The following CSGALNACT1 variants were observed in gnomAD, a reference collection of about 807,000 sequenced individuals.
The protein encoded by CSGALNACT1 is beta4GalNAcT-1.
CSGALNACT1 carries 52 observed loss-of-function variants against 51.0 expected under a neutral mutation model. The ratio of observed to expected loss-of-function variants is 1.02; its 90% CI spans 0.82 to 1.29. The LOEUF (loss-of-function observed/expected upper bound fraction) is 1.29. Among genes scored for constraint, CSGALNACT1 ranks in the 50% most tolerant of loss-of-function variants. The pLI, the probability that CSGALNACT1 is intolerant of heterozygous loss-of-function variation, is 0.00. For synonymous variants in CSGALNACT1, 341 were observed against 254.4 expected (o/e 1.34, Z -3.24); for missense variants, 935 against 679.2 (o/e 1.38, Z -4.19).
At chr8:19,664,722 AAAT>A (rs1266085606) in intron 1 of CSGALNACT1, among the ~76,000 whole-genome samples, 8 of 152,298 alleles carry the variant, frequency 5.3e-5, no homozygotes, top group South Asian at 2.1e-4. Flanking sequence ...AAAAAGAATG[AAAT>A]AATGTCTTTT....
intron 4 of CSGALNACT1, among the ~76,000 whole-genome samples, chr8:19,479,101 T>G (rs1487520448): frequency 6.6e-6 from 1 of 152,222 alleles, no homozygotes; most frequent in Non-Finnish European, 1.5e-5. Context: ...CATGCATTGT[T>G]ATGATGCGAT....
intron 1 of CSGALNACT1, among the ~76,000 whole-genome samples, chr8:19,668,416 A>AT (rs1223376793): frequency 6.6e-6 from 1 of 152,214 alleles, no homozygotes; most frequent in African/African-American, 2.4e-5. Flanking sequence ...TAATTTTAGA[A>AT]TTTAAAAACT....
intron 3 of CSGALNACT1, among the ~76,000 whole-genome samples, chr8:19,541,851 T>C (rs548284928): frequency 2.0e-5 from 3 of 152,246 alleles, no homozygotes; most frequent in South Asian, 2.1e-4. Context: ...CTGTGTGCAA[T>C]AGAAGAATGA....
chr8:19,512,791 T>C (rs1229330362), intron 3 of CSGALNACT1, among the ~76,000 whole-genome samples: 1 of 152,100 alleles, frequency 6.6e-6, no homozygotes, highest in Non-Finnish European at 1.5e-5. Flanking sequence ...TGAACAATGG[T>C]CATTAATCCA....
At chr8:19,487,302 A>G (rs1587009455) in intron 4 of CSGALNACT1, among the ~76,000 whole-genome samples, 1 of 152,158 alleles carries the variant, frequency 6.6e-6, no homozygotes, top group Admixed American at 6.5e-5. Flanking sequence ...ACCTCCCAAC[A>G]GCAGCGATGG....
At chr8:19,456,633 G>A (rs777139286) in intron 5 of CSGALNACT1, among the ~76,000 whole-genome samples, 2 of 152,184 alleles carry the variant, frequency 1.3e-5, no homozygotes, top group African/African-American at 4.8e-5. Flanking sequence ...GTTGAAAGAA[G>A]CCAAAACTAT....
chr8:19,684,288 A>G (rs779993339), upstream of CSGALNACT1, among the ~76,000 whole-genome samples: 2 of 152,190 alleles, frequency 1.3e-5, no homozygotes, highest in Non-Finnish European at 1.5e-5. Context: ...ATTATATGGT[A>G]AAGGTGGCAT....
rs186896753 is a variant in CSGALNACT1, at chr8:19,618,384, T to C, written c.-543-16519A>G. Among the ~76,000 whole-genome samples, 17 of 151,998 alleles carry C rather than the reference T, an allele frequency of 1.1e-4. No individual in the cohort carries two copies. In the East Asian group the frequency reaches 2.5e-3, roughly 22 times the overall value. ...GGCAGGGCCCAGTGGCTCATACCTG[T>C]AATCCCACAATTTTGGGAGGCTGAG... is the stretch of plus-strand genomic sequence containing the variant. On this transcript the variant is annotated intron_variant, in intron 1 of 9. Transcript: ENST00000332246.
intron 1 of CSGALNACT1, among the ~76,000 whole-genome samples, chr8:19,689,831 G>A (rs1313599931): frequency 6.6e-6 from 1 of 152,212 alleles, no homozygotes; most frequent in African/African-American, 2.4e-5. Flanking sequence ...CCCTGTGCTT[G>A]AACCCTTACA....
intron 2 of CSGALNACT1, 107 bp downstream of exon 2, chr8:19,601,664 G>C (rs899298598): frequency 8.8e-6 from 3 of 340,794 alleles, no homozygotes; most frequent in Non-Finnish European, 1.7e-5. Flanking sequence ...TACTAATCAA[G>C]CTATTGACAG....
chr8:19,506,870 C>G (rs1414928717), intron 3 of CSGALNACT1, among the ~76,000 whole-genome samples: 3 of 152,192 alleles, frequency 2.0e-5, no homozygotes, highest in Non-Finnish European at 4.4e-5. Context: ...GAACTGTGAG[C>G]CAGATAAACC....
intron 3 of CSGALNACT1, among the ~76,000 whole-genome samples, chr8:19,542,628 G>A (rs902071617): frequency 4.6e-5 from 7 of 152,118 alleles, no homozygotes; most frequent in Admixed American, 2.0e-4. Flanking sequence ...AATCTGTGTA[G>A]AGATGCAAAA....
intron 1 of CSGALNACT1, among the ~76,000 whole-genome samples, chr8:19,667,274 A>G (rs2059456181): frequency 6.6e-6 from 1 of 151,502 alleles, no homozygotes. Flanking sequence ...AAAAAAAAAA[A>G]AAATACAAAA....
chr8:19,439,332 G>A (rs564989679), intron 6 of CSGALNACT1, among the ~76,000 whole-genome samples: 1 of 152,334 alleles, frequency 6.6e-6, no homozygotes, highest in East Asian at 1.9e-4. Context: ...CACCACGTCT[G>A]GTTTCCCCTG....
chr8:19,735,505 G>A (rs2063920805), intron 1 of CSGALNACT1, among the ~76,000 whole-genome samples: 1 of 146,040 alleles, frequency 6.8e-6, no homozygotes, highest in Admixed American at 6.9e-5. Flanking sequence ...GCTGTCATGA[G>A]CAAGTAACAG....
intron 1 of CSGALNACT1, among the ~76,000 whole-genome samples, chr8:19,638,884 C>A (rs987625571): frequency 8.5e-5 from 13 of 152,288 alleles, no homozygotes; most frequent in Middle Eastern, 3.4e-3. Context: ...CCGAGACTTA[C>A]TTTGCACATC....
chr8:19,484,182 G>A (rs2072253608), intron 4 of CSGALNACT1, among the ~76,000 whole-genome samples: 1 of 114,196 alleles, frequency 8.8e-6, no homozygotes, highest in African/African-American at 3.4e-5. Flanking sequence ...CTAAGCACAA[G>A]GGGAGTGATA....
In CSGALNACT1 at chr8:19,505,718, G is replaced by C. The variant is rs758278533; in HGVS notation, c.117C>G (p.Asp39Glu). Residue 39 changes from aspartate to glutamate, a missense_variant, in exon 4 of 10, where the codon GAC becomes GAG. Physicochemically the swap from Asp to Glu is conservative, Grantham distance 45. Transcript: ENST00000454498. ...CCCTGGGCAGTGCCAGCTGCTCCTC[G>C]TCACCTTTTGGGGTGCAGGCCAACA... The C allele has an allele frequency of 1.5e-5, 25 of 1,614,142 alleles. 1 individual carries two copies. In the South Asian group the frequency reaches 1.9e-4, roughly 12 times the overall value.
At chr8:19,693,261 T>A (rs1227040302) in intron 1 of CSGALNACT1, among the ~76,000 whole-genome samples, 1 of 151,814 alleles carries the variant, frequency 6.6e-6, no homozygotes, top group Non-Finnish European at 1.5e-5. Context: ...GGCCTTTTCT[T>A]CTCCATGATT....
Sources: gnomAD v4.1 joint callset for allele counts (sites outside exome capture counted in the v4.1 genomes callset) on GRCh38, gnomAD v4.1.1 for gene constraint, MANE v1.5 for transcripts, NCBI Gene and HGNC (gene_info 2026-07-23, HGNC 2026-07-21) for gene names.